UBE2E2: variants seen among roughly 807,000 people sequenced by gnomAD.
UBE2E2 encodes ubiquitin conjugating enzyme E2 E2, also known as ubiquitin-conjugating enzyme E2 E2.
Under a neutral mutation model 24.7 loss-of-function variants are expected in UBE2E2, and 6 were observed. That is an observed-to-expected ratio of 0.24 (90% CI 0.13 to 0.48). The LOEUF is 0.48. Ranked by LOEUF, UBE2E2 falls within the 20% of genes least tolerant of loss-of-function variation. The probability of loss-of-function intolerance (pLI) is 0.99; values close to 1 mark genes in which losing one functional copy is unlikely to be tolerated. For missense variants in UBE2E2, 169 were observed against 245.0 expected (o/e 0.69, Z 2.07); for synonymous variants, 104 against 83.6 (o/e 1.24, Z -1.33).
intron 5 of UBE2E2, among the ~76,000 whole-genome samples, chr3:23,566,199 T>C (rs1696068776): frequency 6.6e-6 from 1 of 152,178 alleles, no homozygotes; most frequent in Admixed American, 6.5e-5. Flanking sequence ...ATTGGAACAG[T>C]CCCTGCTGAA....
At chr3:23,318,428 C>T (rs1694643863) in intron 3 of UBE2E2, among the ~76,000 whole-genome samples, 1 of 152,138 alleles carries the variant, frequency 6.6e-6, no homozygotes, top group South Asian at 2.1e-4. Context: ...TAGGTTATAA[C>T]TTGAAAGTGT....
At chr3:23,542,804 C>T (rs1050354219) in intron 5 of UBE2E2, among the ~76,000 whole-genome samples, 6 of 152,146 alleles carry the variant, frequency 3.9e-5, no homozygotes, top group African/African-American at 1.4e-4. Flanking sequence ...GTATATTTGT[C>T]AGTTAAGTTT....
intron 3 of UBE2E2, among the ~76,000 whole-genome samples, chr3:23,368,487 G>A (rs1219289874): frequency 6.6e-6 from 1 of 152,016 alleles, no homozygotes; most frequent in Non-Finnish European, 1.5e-5. Context: ...AAAACACTAT[G>A]TCTTTCTTTG....
chr3:23,296,786 C>T (rs193073260), intron 3 of UBE2E2, among the ~76,000 whole-genome samples: 182 of 152,174 alleles, frequency 1.2e-3, no homozygotes, highest in African/African-American at 4.2e-3. Flanking sequence ...CATGTGTCTT[C>T]ATAGCAGCAT....
chr3:23,294,242 A>G (rs1308576291), intron 3 of UBE2E2, among the ~76,000 whole-genome samples: 2 of 152,240 alleles, frequency 1.3e-5, no homozygotes, highest in Admixed American at 6.5e-5. Flanking sequence ...ACAAAGATAG[A>G]TAAAAAGCAA....
intron 3 of UBE2E2, among the ~76,000 whole-genome samples, chr3:23,413,006 A>C (rs1447581444): frequency 6.8e-6 from 1 of 146,872 alleles, no homozygotes; most frequent in African/African-American, 2.5e-5. Flanking sequence ...TGCTTATTGA[A>C]AGACACAGGA....
chr3:23,324,542 G>A (rs1183909215), intron 3 of UBE2E2, among the ~76,000 whole-genome samples: 1 of 152,024 alleles, frequency 6.6e-6, no homozygotes, highest in East Asian at 1.9e-4. Flanking sequence ...AGTACCAGAA[G>A]GTGGAATAGG....
intron 3 of UBE2E2, among the ~76,000 whole-genome samples, chr3:23,262,390 G>A (rs999446034): frequency 4.6e-5 from 7 of 151,598 alleles, no homozygotes; most frequent in Admixed American, 3.9e-4. Flanking sequence ...GAATCATCTT[G>A]CCTCAGCCTC....
intron 2 of UBE2E2, among the ~76,000 whole-genome samples, chr3:23,211,891 A>G (rs926152124): frequency 6.6e-6 from 1 of 152,154 alleles, no homozygotes; most frequent in Non-Finnish European, 1.5e-5. Context: ...CTACGGTCAT[A>G]TTTTTCAAGT....
rs113848725 is a variant in UBE2E2, at chr3:23,558,712, G to A, written c.508+26011G>A. Among the ~76,000 whole-genome samples the A allele has an allele frequency of 5.5e-3, 836 of 152,286 alleles. 9 individuals carry two copies. Among genetic ancestry groups the A allele is most frequent in the African/African-American group, 0.019 (798 of 41,568 alleles). ...CAATGGGATATTGCCCATCCAGGATGAGGATATTAATGTGACTATTTCAAC... is the reference window on the plus strand; with the variant it reads ...CAATGGGATATTGCCCATCCAGGATAAGGATATTAATGTGACTATTTCAAC... On this transcript the variant is annotated intron_variant, in intron 5 of 5. Transcript: ENST00000396703.
intron 3 of UBE2E2, among the ~76,000 whole-genome samples, chr3:23,364,399 A>G (rs909863814): frequency 1.3e-5 from 2 of 152,130 alleles, no homozygotes; most frequent in African/African-American, 4.8e-5. Context: ...AGAGAGAGAG[A>G]CAGAAGATCC....
At chr3:23,272,415 C>G (rs943745304) in intron 3 of UBE2E2, among the ~76,000 whole-genome samples, 3 of 125,808 alleles carry the variant, frequency 2.4e-5, no homozygotes, top group Admixed American at 1.1e-4. Flanking sequence ...GCAGAGGGGG[C>G]TGGCTCCATA....
At chr3:23,298,389 G>T (rs1698973382) in intron 3 of UBE2E2, among the ~76,000 whole-genome samples, 1 of 152,056 alleles carries the variant, frequency 6.6e-6, no homozygotes, top group Admixed American at 6.6e-5. Flanking sequence ...AATGCTTCCA[G>T]TTTTTGCCCA....
At chr3:23,288,226 A>C (rs1370000610) in intron 3 of UBE2E2, among the ~76,000 whole-genome samples, 1 of 152,138 alleles carries the variant, frequency 6.6e-6, no homozygotes, top group Non-Finnish European at 1.5e-5. Context: ...ATAGTTTTGA[A>C]AATTCTTCTC....
intron 3 of UBE2E2, among the ~76,000 whole-genome samples, chr3:23,270,307 T>C (rs1043636168): frequency 2.6e-5 from 4 of 152,102 alleles, no homozygotes; most frequent in African/African-American, 9.7e-5. Flanking sequence ...GTGGTAGAAT[T>C]GCCTTTGGGT....
chr3:23,276,577 G>C (rs776476000), intron 3 of UBE2E2, among the ~76,000 whole-genome samples: 1 of 152,064 alleles, frequency 6.6e-6, no homozygotes, highest in East Asian at 1.9e-4. Context: ...GTGAGATCCT[G>C]ATGCAGACTT....
intron 3 of UBE2E2, among the ~76,000 whole-genome samples, chr3:23,487,746 C>T (rs1699406934): frequency 6.6e-6 from 1 of 152,182 alleles, no homozygotes; most frequent in Admixed American, 6.5e-5. Context: ...ATCTCTGGAT[C>T]TGAAGCATAC....
At chr3:23,428,312 A>G (rs1430802580) in intron 3 of UBE2E2, among the ~76,000 whole-genome samples, 1 of 152,236 alleles carries the variant, frequency 6.6e-6, no homozygotes, top group Non-Finnish European at 1.5e-5. Context: ...GTCAAAGAAG[A>G]AATACCAAGA....
At chr3:23,404,626 T>G (rs1697314148) in intron 3 of UBE2E2, among the ~76,000 whole-genome samples, 1 of 152,234 alleles carries the variant, frequency 6.6e-6, no homozygotes, top group Non-Finnish European at 1.5e-5. Flanking sequence ...AAATTCTGTT[T>G]TATGAGTTTG....
Sources: gnomAD v4.1 joint callset for allele counts (sites outside exome capture counted in the v4.1 genomes callset) on GRCh38, gnomAD v4.1.1 for gene constraint, MANE v1.5 for transcripts, NCBI Gene and HGNC (gene_info 2026-07-23, HGNC 2026-07-21) for gene names.